RYR2: variants seen among roughly 807,000 people sequenced by gnomAD.
The protein encoded by RYR2 is ryanodine receptor 2, also known as cardiac muscle ryanodine receptor-calcium release channel.
RYR2 carries 227 observed loss-of-function variants against 601.1 expected under a neutral mutation model. The observed-to-expected ratio is 0.38, with a 90% CI of 0.34 to 0.42. The LOEUF is 0.42. RYR2 is among the 10% of genes least tolerant of loss of function. The pLI is 1.00. For synonymous variants in RYR2, 2,223 were observed against 2,175.1 expected, an observed-to-expected ratio of 1.02 and a Z score of -0.61; for missense variants, 4,646 against 6,156.5, an observed-to-expected ratio of 0.75 and a Z score of 8.21.
At chr1:237,655,396 G>A (rs1438970604) in intron 52 of RYR2, among the ~76,000 whole-genome samples, 1 of 152,040 alleles carries the variant, frequency 6.6e-6, no homozygotes, top group South Asian at 2.1e-4. Context: ...ACATGGATCA[G>A]TTAAAATTTC....
At chr1:237,741,703 G>A (rs1178280840) in intron 79 of RYR2, among the ~76,000 whole-genome samples, 1 of 152,108 alleles carries the variant, frequency 6.6e-6, no homozygotes, top group East Asian at 1.9e-4. Context: ...CTGGGTTCAA[G>A]CAATTCTCCT....
intron 1 of RYR2, among the ~76,000 whole-genome samples, chr1:237,066,494 C>G (rs568664974): frequency 2.2e-4 from 33 of 152,272 alleles, no homozygotes; most frequent in African/African-American, 7.9e-4. Context: ...TCCACACCCT[C>G]GTCAGCATTT....
At chr1:237,536,219 T>A (rs1376851646) in intron 25 of RYR2, among the ~76,000 whole-genome samples, 2 of 152,242 alleles carry the variant, frequency 1.3e-5, no homozygotes, top group Non-Finnish European at 2.9e-5. Flanking sequence ...TCTTTTTAAG[T>A]GTGCTTCTGC....
intron 24 of RYR2, among the ~76,000 whole-genome samples, chr1:237,530,088 G>A (rs1667982671): frequency 6.6e-6 from 1 of 152,072 alleles, no homozygotes; most frequent in Non-Finnish European, 1.5e-5. Flanking sequence ...GAGATGGGTG[G>A]ATCACGAGGT....
chr1:237,295,587 C>G (rs1279896971), intron 2 of RYR2, among the ~76,000 whole-genome samples: 2 of 152,096 alleles, frequency 1.3e-5, no homozygotes, highest in African/African-American at 2.4e-5. Context: ...ATAATTAACT[C>G]TATGTAGGAT....
intron 8 of RYR2, among the ~76,000 whole-genome samples, chr1:237,387,037 T>C (rs1702003165): frequency 6.6e-6 from 1 of 152,220 alleles, no homozygotes; most frequent in African/African-American, 2.4e-5. Flanking sequence ...AGTGTATTCA[T>C]TTATGCATAT....
intron 1 of RYR2, among the ~76,000 whole-genome samples, chr1:237,100,934 C>T (rs1668018573): frequency 6.6e-6 from 1 of 152,090 alleles, no homozygotes; most frequent in South Asian, 2.1e-4. Context: ...GTCTGGTCCT[C>T]TCTGTCCTGC....
chr1:237,469,408 A>T (rs1660464838), intron 17 of RYR2, among the ~76,000 whole-genome samples: 1 of 152,086 alleles, frequency 6.6e-6, no homozygotes, highest in East Asian at 1.9e-4. Flanking sequence ...AACATGGACA[A>T]TATATTGAGA....
intron 5 of RYR2, among the ~76,000 whole-genome samples, chr1:237,369,017 T>C (rs1572012174): frequency 6.6e-6 from 1 of 151,844 alleles, no homozygotes; most frequent in South Asian, 2.1e-4. Context: ...AGAGATGGGG[T>C]TTTGCCATGT....
intron 25 of RYR2, among the ~76,000 whole-genome samples, chr1:237,547,501 G>A (rs1359887131): frequency 1.3e-5 from 2 of 152,096 alleles, no homozygotes; most frequent in African/African-American, 2.4e-5. Context: ...AAGGATAATG[G>A]CAGTTAGAAA....
intron 1 of RYR2, among the ~76,000 whole-genome samples, chr1:237,073,912 A>G (rs931988873): frequency 5.4e-5 from 8 of 149,522 alleles, no homozygotes; most frequent in Non-Finnish European, 1.2e-4. Flanking sequence ...TTACATGTTG[A>G]GATAATATTT....
intron 80 of RYR2, among the ~76,000 whole-genome samples, chr1:237,748,728 G>A (rs1157797047): frequency 6.6e-6 from 1 of 152,154 alleles, no homozygotes; most frequent in Admixed American, 6.5e-5. Flanking sequence ...TGAGTATGTG[G>A]ACCAAAATAG....
chr1:237,634,199 T>A (rs987102173), intron 43 of RYR2, among the ~76,000 whole-genome samples: 1 of 152,196 alleles, frequency 6.6e-6, no homozygotes, highest in African/African-American at 2.4e-5. Context: ...AGCTGAGATA[T>A]GGAATCAACC....
chr1:237,727,164 C>T lies in RYR2; in HGVS notation c.10803C>T (p.Ala3601=), dbSNP rs1690268248. 1 of 1,586,722 alleles carries T rather than the reference C, an allele frequency of 6.3e-7. No individual in the cohort carries two copies. The highest frequency in any genetic ancestry group is 8.6e-7 in the Non-Finnish European group (1 of 1,164,848). ...LSKQRKRAVV[A]CFRMAPLYNL... ...AGCAGAGGAAAAGGGCTGTTGTAGC[C>T]TGCTTCCGGATGGCCCCCTTATATA... The change falls in exon 76 of 105, where the codon GCC becomes GCT. Residue 3601 remains alanine, a synonymous_variant. Transcript: ENST00000366574.
chr1:237,640,922 A>G lies in RYR2; in HGVS notation c.7141A>G (p.Thr2381Ala). 1 of 1,613,564 alleles carries G rather than the reference A, an allele frequency of 6.2e-7. No homozygotes were observed. The part of the protein sequence containing the change: ...TLDTEEEEDD[T>A]IHMGNAIMTF... ...TGACACAGAGGAGGAGGAAGATGAC[A>G]CTATCCACATGGGGAACGCGATCAT... Residue 2381 changes from threonine (T) to alanine (A), a missense_variant, in exon 47 of 105, where the codon ACT (threonine) becomes GCT (alanine). Around this residue, in one of 17 missense-constraint regions of RYR2, gnomAD observed 1,497 missense variants for 1,842.6 expected, o/e 0.81. Transcript: ENST00000366574.
chr1:237,126,783 A>AT (rs1671484495), intron 1 of RYR2, among the ~76,000 whole-genome samples: 1 of 151,766 alleles, frequency 6.6e-6, no homozygotes, highest in Admixed American at 6.6e-5. Context: ...TTATTTATTT[A>AT]TTTTTTTAAA....
At chr1:237,057,288 C>T (rs542246478) in intron 1 of RYR2, among the ~76,000 whole-genome samples, 13 of 152,148 alleles carry the variant, frequency 8.5e-5, no homozygotes, top group Admixed American at 6.5e-4. Flanking sequence ...CGGGTTCAAG[C>T]GATTCTTCTG....
Position 237,550,618 on chromosome 1 carries a change from G to A in RYR2, c.3141G>A (p.Lys1047=). The change falls in exon 27 of 105, where the codon AAG becomes AAA. Residue 1047 remains lysine, a synonymous_variant. Coordinates refer to ENST00000366574, the MANE Select transcript of RYR2 (RefSeq NM_001035.3). ...ATGACCGAACCAAGAAATCCAACAA[G>A]GACAGCCTCCGCGAGGCTGTGCGCA... ...LLDDRTKKSN[K]DSLREAVRTL... 3.8e-6 allele frequency: 6 copies of A among 1,598,716 alleles called. No individual in the cohort carries two copies. Among genetic ancestry groups the A allele is most frequent in the Non-Finnish European group, 5.1e-6 (6 of 1,172,290 alleles).
At chr1:237,410,499 AG>A (rs574721955) in intron 10 of RYR2, among the ~76,000 whole-genome samples, 1 of 152,214 alleles carries the variant, frequency 6.6e-6, no homozygotes, top group South Asian at 2.1e-4. Context: ...CAACCAATCA[AG>A]GCAGTAGGTC....
Sources: gnomAD v4.1 joint callset for allele counts (sites outside exome capture counted in the v4.1 genomes callset) on GRCh38, gnomAD v4.1.1 for gene constraint, gnomAD v4.1.1 regional missense constraint, MANE v1.5 for transcripts, NCBI Gene and HGNC (gene_info 2026-07-23, HGNC 2026-07-21) for gene names.